CABP1: variants seen among roughly 807,000 people sequenced by gnomAD.
The protein encoded by CABP1 is calcium-binding protein 1.
Under a neutral mutation model 34.3 loss-of-function variants are expected in CABP1, and 17 were observed. The observed-to-expected ratio is 0.50, with a 90% CI of 0.34 to 0.74. The LOEUF is 0.74. Ranked by LOEUF, CABP1 falls within the 30% of genes least tolerant of loss-of-function variation. The pLI, the probability that CABP1 is intolerant of heterozygous loss-of-function variation, is 0.01. For missense variants in CABP1, 373 were observed against 511.1 expected (o/e 0.73, Z 2.61); for synonymous variants, 198 against 229.2 (o/e 0.86, Z 1.23).
chr12:120,640,814 C>T lies in CABP1; in HGVS notation c.129C>T (p.Thr43=), dbSNP rs561228486. The part of the protein sequence containing the change: ...LPAGGPAPRR[T]APPPPGHASA... Reference sequence around the variant, plus strand: ...CCGGGGGCCCCGCGCCGCGCCGCACCGCGCCGCCCCCGCCGGGCCATGCGA... The same window carrying T: ...CCGGGGGCCCCGCGCCGCGCCGCACTGCGCCGCCCCCGCCGGGCCATGCGA... Residue 43 remains threonine, a synonymous_variant, in exon 1 of 6, where the codon ACC becomes ACT. Coordinates refer to ENST00000316803, the MANE Select transcript of CABP1 (RefSeq NM_001033677.2). The surrounding 1 kb of genome is among the most constrained non-coding windows in gnomAD (Gnocchi z 6.2). 2.3e-5 allele frequency: 25 copies of T among 1,088,480 alleles called. No individual in the cohort carries two copies. Among genetic ancestry groups the T allele is most frequent in the Non-Finnish European group, 2.3e-5 (21 of 898,244 alleles). The allele number at this position is 1,088,480 out of a possible 1,614,324, so 67.4% of individuals were successfully genotyped here.
chr12:120,655,540 G>T, intron 1 of CABP1: 1 of 1,197,954 alleles, frequency 8.3e-7, no homozygotes, highest in Non-Finnish European at 1.0e-6. Context: ...CCTCTGGTCT[G>T]GCAGACCAGC....
chr12:120,647,087 G>T (rs1436857268), intron 1 of CABP1, among the ~76,000 whole-genome samples: 1 of 152,190 alleles, frequency 6.6e-6, no homozygotes, highest in Non-Finnish European at 1.5e-5. Flanking sequence ...TCGACAAGTG[G>T]GTGCTATGCC....
rs1879307886 is a variant in CABP1, at chr12:120,641,271, G to A, written c.586G>A (p.Ala196Thr). 8 of 1,307,436 alleles carry A rather than the reference G, an allele frequency of 6.1e-6. No individual in the cohort carries two copies. The East Asian group carries it at 2.5e-4, about 40-fold the overall frequency. 81.0% of individuals were successfully genotyped at this position (1,307,436 alleles called of 1,614,324 possible). Residue 196 changes from alanine (A) to threonine (T), a missense_variant, in exon 1 of 6, where the codon GCC becomes ACC. Physicochemically the swap from Ala to Thr is moderately conservative, Grantham distance 58. Transcript: ENST00000316803. The surrounding 1 kb of genome is among the most constrained non-coding windows in gnomAD (Gnocchi z 6.7). ...RARGRGDSVP[A>T]AASEADPFLH... ...CCGGGGCCGCGGGGACTCCGTTCCA[G>A]CCGCCGCGTCCGAGGCGGACCCGTT...
chr12:120,675,517 C>T, the CABP1 span, among the ~76,000 whole-genome samples: 2 of 152,318 alleles, frequency 1.3e-5, no homozygotes, highest in East Asian at 3.9e-4. Flanking sequence ...CTAGATCCTT[C>T]TCATTTCTGG....
At chr12:120,678,190 G>A in the CABP1 span, among the ~76,000 whole-genome samples, 1 of 152,204 alleles carries the variant, frequency 6.6e-6, no homozygotes, top group African/African-American at 2.4e-5. Flanking sequence ...AACTTTTGTT[G>A]TGAGTTTATC....
At chr12:120,667,614 G>A (rs924861933), downstream of CABP1, among the ~76,000 whole-genome samples, 6 of 151,848 alleles carry the variant, frequency 4.0e-5, no homozygotes, top group East Asian at 1.9e-4. Flanking sequence ...TCAGCCTCCC[G>A]AGTAGCTGGG....
At chr12:120,677,412 T>TTTC in the CABP1 span, among the ~76,000 whole-genome samples, 1 of 124,912 alleles carries the variant, frequency 8.0e-6, no homozygotes, top group Non-Finnish European at 1.7e-5. Context: ...TTTTTTTTTT[T>TTTC]TTGAGACAGA....
chr12:120,680,519 G>A, the CABP1 span, among the ~76,000 whole-genome samples: 1 of 152,200 alleles, frequency 6.6e-6, no homozygotes, highest in African/African-American at 2.4e-5. Flanking sequence ...CGCCCCAAGT[G>A]TTTCTGGGCT....
In CABP1 at chr12:120,661,317, A is replaced by C; in HGVS notation, c.1087+99A>C. On this transcript the variant is annotated intron_variant, in intron 5 of 5. Transcript: ENST00000316803. The surrounding 1 kb of genome is among the most constrained non-coding windows in gnomAD (Gnocchi z 5.1). ...ATCATGCAACCATCAATCCGCCCTA[A>C]TTTTCCAACCCCCAGCCCTTTCATC... 2 of 1,409,794 alleles carry C rather than the reference A, an allele frequency of 1.4e-6. No homozygotes were observed. Among genetic ancestry groups the C allele is most frequent in the South Asian group, 1.3e-5 (1 of 74,136 alleles). 87.3% of individuals were successfully genotyped at this position (1,409,794 alleles called of 1,614,324 possible).
intron 1 of CABP1, among the ~76,000 whole-genome samples, chr12:120,649,723 T>A (rs1879723866): frequency 6.6e-6 from 1 of 152,182 alleles, no homozygotes; most frequent in Non-Finnish European, 1.5e-5. Context: ...CCTGGTTTCC[T>A]TCGGGTCAGA....
At position 120,663,883 on chromosome 12, in the gene CABP1, G is replaced by A. The variant is rs899819996; in HGVS notation, c.1087+2665G>A. Among the ~76,000 whole-genome samples the A allele has an allele frequency of 4.6e-5, 7 of 152,354 alleles. No individual in the cohort carries two copies. The East Asian group carries it at 1.4e-3, about 29-fold the overall frequency. ...CATGTGAGGCACTACGGGATACAGG[G>A]AAAGGGTAAAATGTTGACTCTGCAC... On this transcript the variant is annotated intron_variant, in intron 5 of 5. Coordinates refer to ENST00000316803, the MANE Select transcript of CABP1 (RefSeq NM_001033677.2).
intron 1 of CABP1, 171 bp from the exon 2 acceptor site, chr12:120,659,707 G>C: frequency 1.7e-6 from 1 of 594,490 alleles, no homozygotes; most frequent in Non-Finnish European, 3.0e-6. Flanking sequence ...TATGTCTAAG[G>C]GAGATGTGGG....
the CABP1 span, among the ~76,000 whole-genome samples, chr12:120,679,084 A>C: frequency 1.3e-4 from 20 of 151,636 alleles, no homozygotes; most frequent in East Asian, 1.9e-4. Context: ...AAAAAAAAAA[A>C]AAAAAAAAAC....
At chr12:120,657,293 G>A (rs1372773729) in intron 1 of CABP1, among the ~76,000 whole-genome samples, 1 of 152,222 alleles carries the variant, frequency 6.6e-6, no homozygotes, top group East Asian at 1.9e-4. Context: ...GGATGTTATA[G>A]AGGTAAACAT....
Position 120,667,076 on chromosome 12 carries a change from T to C in CABP1, c.*176T>C. ...CCCACCCCTCCGCACTGTGAAAGACTAACTCCTGCAACTGGAAAGCGGGGG... is the reference window on the plus strand; with the variant it reads ...CCCACCCCTCCGCACTGTGAAAGACCAACTCCTGCAACTGGAAAGCGGGGG... On this transcript the variant is annotated 3_prime_UTR_variant, in exon 6 of 6. Transcript: ENST00000316803. 1 of 654,336 alleles carries C rather than the reference T, an allele frequency of 1.5e-6. No homozygotes were observed. 40.5% of individuals were successfully genotyped at this position (654,336 alleles called of 1,614,324 possible). A position where few individuals can be genotyped will look rare whatever the true frequency, so the allele number is the denominator to read the frequency against.
intron 1 of CABP1, chr12:120,650,647 T>A (rs1189147280): frequency 1.9e-6 from 3 of 1,614,106 alleles, no homozygotes; most frequent in Non-Finnish European, 2.5e-6. Context: ...GATGGGCAAC[T>A]GTGTCAAGTA....
downstream of CABP1, among the ~76,000 whole-genome samples, chr12:120,669,772 A>G (rs1881187259): frequency 6.6e-6 from 1 of 151,326 alleles, no homozygotes; most frequent in Admixed American, 6.6e-5. Flanking sequence ...AAAAAGAATC[A>G]TAGATATGCC....
chr12:120,679,859 T>C, the CABP1 span, among the ~76,000 whole-genome samples: 1 of 151,790 alleles, frequency 6.6e-6, no homozygotes, highest in South Asian at 2.1e-4. Flanking sequence ...AAAGAAATTA[T>C]GGCAAATTTT....
At chr12:120,670,371 A>C (rs1315416150), downstream of CABP1, among the ~76,000 whole-genome samples, 1 of 152,218 alleles carries the variant, frequency 6.6e-6, no homozygotes, top group Non-Finnish European at 1.5e-5. Flanking sequence ...ACTGAGATGC[A>C]CTTTCCTAGC....
Sources: gnomAD v4.1 joint callset for allele counts (sites outside exome capture counted in the v4.1 genomes callset) on GRCh38, gnomAD v4.1.1 for gene constraint, Gnocchi (gnomAD v3.1) non-coding constraint, MANE v1.5 for transcripts, NCBI Gene and HGNC (gene_info 2026-07-23, HGNC 2026-07-21) for gene names.